The following PTPRR variants were observed in gnomAD, a reference collection of about 807,000 sequenced individuals.
PTPRR encodes the protein receptor-type tyrosine-protein phosphatase R.
PTPRR carries 38 observed loss-of-function variants against 77.2 expected under a neutral mutation model. That is an observed-to-expected ratio of 0.49 (90% CI 0.38 to 0.65). The LOEUF (loss-of-function observed/expected upper bound fraction) is 0.65. PTPRR is among the 30% of genes least tolerant of loss of function. The pLI is 0.00. For missense variants in PTPRR, 744 were observed against 799.2 expected (o/e 0.93, Z 0.83); for synonymous variants, 299 against 283.1 (o/e 1.06, Z -0.57).
rs542635785 is a variant in PTPRR at position 70,738,396 on chromosome 12, T to A, written c.1007+7422A>T. Among the ~76,000 whole-genome samples, 5 of 152,302 alleles carry A rather than the reference T, an allele frequency of 3.3e-5. No individual in the cohort carries two copies. In the South Asian group the frequency reaches 1.0e-3, roughly 32 times the overall value. On this transcript the variant is annotated intron_variant, in intron 6 of 13. Transcript: ENST00000283228. ...TAGTCCTGATGGCCCACCAACTGATTACTGAGAAATGAAGTCAGGATGGAG... is the reference window on the plus strand; with the variant it reads ...TAGTCCTGATGGCCCACCAACTGATAACTGAGAAATGAAGTCAGGATGGAG...
At chr12:70,824,634 A>G (rs1454933333) in intron 2 of PTPRR, among the ~76,000 whole-genome samples, 1 of 152,166 alleles carries the variant, frequency 6.6e-6, no homozygotes, top group Non-Finnish European at 1.5e-5. Flanking sequence ...TTGCCTGTAC[A>G]GGGAGAAGCC....
chr12:70,668,571 T>C (rs1012091428), intron 10 of PTPRR, among the ~76,000 whole-genome samples: 2 of 152,178 alleles, frequency 1.3e-5, no homozygotes, highest in Non-Finnish European at 2.9e-5. Flanking sequence ...ATTTTATGCA[T>C]TTAGAATTTA....
At chr12:70,669,509 A>ATC (rs145166674) in intron 10 of PTPRR, among the ~76,000 whole-genome samples, 1 of 150,398 alleles carries the variant, frequency 6.6e-6, no homozygotes, top group Non-Finnish European at 1.5e-5. Context: ...TACGAGCTAT[A>ATC]TATATATATA....
At chr12:70,761,372 A>G in intron 4 of PTPRR, 99 bp downstream of exon 4, 1 of 1,131,584 alleles carries the variant, frequency 8.8e-7, no homozygotes, top group South Asian at 2.2e-5. Flanking sequence ...CAAATAACAT[A>G]CAATAAACAA....
At chr12:70,850,411 G>A (rs1175017613) in intron 2 of PTPRR, among the ~76,000 whole-genome samples, 1 of 151,882 alleles carries the variant, frequency 6.6e-6, no homozygotes, top group African/African-American at 2.4e-5. Flanking sequence ...AAGATCAATA[G>A]GGCAGCAATT....
chr12:70,820,416 C>T (rs904353032), intron 2 of PTPRR, among the ~76,000 whole-genome samples: 4 of 152,172 alleles, frequency 2.6e-5, no homozygotes, highest in African/African-American at 9.7e-5. Flanking sequence ...TCACTGCAAG[C>T]TCCGCTTCCC....
At chr12:70,656,402 C>A (rs1333815086) in intron 13 of PTPRR, among the ~76,000 whole-genome samples, 1 of 151,792 alleles carries the variant, frequency 6.6e-6, no homozygotes, top group African/African-American at 2.4e-5. Context: ...ATGGCGCACA[C>A]CTGTAGTCCT....
intron 3 of PTPRR, 151 bp downstream of exon 3, chr12:70,764,514 G>C: frequency 1.5e-6 from 1 of 648,950 alleles, no homozygotes; most frequent in South Asian, 1.8e-5. Context: ...TAGATGAGCA[G>C]ATATAGCTTG....
chr12:70,789,834 T>C (rs77391090), intron 2 of PTPRR, among the ~76,000 whole-genome samples: 1,887 of 152,262 alleles, frequency 0.012, 36 homozygotes, highest in African/African-American at 0.043. Context: ...AATAGGGCAG[T>C]GTTAAGGGTA....
At chr12:70,688,998 A>T (rs1016327858) in intron 8 of PTPRR, among the ~76,000 whole-genome samples, 1 of 145,602 alleles carries the variant, frequency 6.9e-6, no homozygotes, top group Non-Finnish European at 1.5e-5. Context: ...AGAAATAGAG[A>T]GTAGAATGGT....
chr12:70,692,465 G>A (rs1485032593), intron 8 of PTPRR, among the ~76,000 whole-genome samples: 1 of 152,112 alleles, frequency 6.6e-6, no homozygotes, highest in African/African-American at 2.4e-5. Flanking sequence ...CTAGCCATAA[G>A]TGGGTTCTGG....
intron 10 of PTPRR, chr12:70,672,789 C>T: frequency 6.4e-7 from 1 of 1,562,528 alleles, no homozygotes. Flanking sequence ...AACCTTCTGT[C>T]TTTCTCAAGA....
intron 2 of PTPRR, among the ~76,000 whole-genome samples, chr12:70,809,114 A>G (rs1891762859): frequency 6.6e-6 from 1 of 152,164 alleles, no homozygotes; most frequent in Non-Finnish European, 1.5e-5. Flanking sequence ...GTCACATGGC[A>G]CAGTTCTGAG....
intron 2 of PTPRR, among the ~76,000 whole-genome samples, chr12:70,778,184 C>G (rs971892603): frequency 6.6e-6 from 1 of 152,120 alleles, no homozygotes; most frequent in Admixed American, 6.5e-5. Flanking sequence ...GGATATTAAA[C>G]CCCTGATTCA....
intron 2 of PTPRR, among the ~76,000 whole-genome samples, chr12:70,775,665 A>C (rs988390683): frequency 1.3e-5 from 2 of 152,166 alleles, no homozygotes; most frequent in Non-Finnish European, 2.9e-5. Flanking sequence ...GAGATGCCTC[A>C]AGGCTCCTTA....
intron 2 of PTPRR, among the ~76,000 whole-genome samples, chr12:70,891,924 A>T (rs749051845): frequency 6.6e-6 from 1 of 152,082 alleles, no homozygotes; most frequent in Admixed American, 6.6e-5. Context: ...CAACCATTTA[A>T]CTACTGATTT....
At chr12:70,670,822 TTTCTC>T (rs1887196440) in intron 10 of PTPRR, among the ~76,000 whole-genome samples, 1 of 152,238 alleles carries the variant, frequency 6.6e-6, no homozygotes. Context: ...AGGAATTCCC[TTTCTC>T]TTGAGATTTA....
intron 6 of PTPRR, among the ~76,000 whole-genome samples, chr12:70,735,994 C>T (rs749907866): frequency 1.3e-5 from 2 of 152,098 alleles, no homozygotes; most frequent in East Asian, 1.9e-4. Context: ...ATGAAGTGGG[C>T]GAGTTATTAT....
rs368024115 is a variant in PTPRR, at chr12:70,801,699, G to C, written c.358-36921C>G. Among the ~76,000 whole-genome samples, 15 of 152,086 alleles carry C rather than the reference G, an allele frequency of 9.9e-5. No homozygotes were observed. In the South Asian group the frequency reaches 1.5e-3, roughly 15 times the overall value. On this transcript the variant is annotated intron_variant, in intron 2 of 13. Transcript: ENST00000283228. ...CCAGCTAGCTGACTGCAGACCTTGG[G>C]ACTTCTCAACCTCCATAACCACATG...
Sources: allele counts gnomAD v4.1 joint callset (sites outside exome capture counted in the v4.1 genomes callset), GRCh38; gene constraint gnomAD v4.1.1; transcripts MANE v1.5; gene names NCBI Gene and HGNC (gene_info 2026-07-23, HGNC 2026-07-21).